Variants in TBC1D5 observed in about 807,000 individuals in gnomAD.
TBC1D5 encodes TBC1 domain family member 5, also known as TBC1 domain family, member 5.
A neutral mutation model predicts 100.3 loss-of-function variants in TBC1D5; 75 were observed. That is an observed-to-expected ratio of 0.75 (90% CI 0.62 to 0.91). The LOEUF (loss-of-function observed/expected upper bound fraction) is 0.91. Among genes scored for constraint, TBC1D5 ranks in the 40% least tolerant of loss-of-function variants. The pLI is 0.00. For missense variants in TBC1D5, 910 were observed against 942.4 expected (o/e 0.97, Z 0.45); for synonymous variants, 323 against 325.6 (o/e 0.99, Z 0.09).
At chr3:17,178,813 A>T (rs539276739) in intron 19 of TBC1D5, among the ~76,000 whole-genome samples, 3 of 146,502 alleles carry the variant, frequency 2.0e-5, no homozygotes, top group African/African-American at 7.5e-5. Context: ...CTAATTTTTA[A>T]TTTTTTTTTT....
At chr3:17,311,465 C>T (rs1366765263) in intron 13 of TBC1D5, among the ~76,000 whole-genome samples, 1 of 151,954 alleles carries the variant, frequency 6.6e-6, no homozygotes, top group African/African-American at 2.4e-5. Context: ...TACCACTATT[C>T]TCGATTTTAA....
intron 3 of TBC1D5, among the ~76,000 whole-genome samples, chr3:17,494,822 C>T (rs192058035): frequency 6.6e-6 from 1 of 152,324 alleles, no homozygotes; most frequent in Non-Finnish European, 1.5e-5. Flanking sequence ...AGTCTCCAGC[C>T]TGCTGCTAGC....
At chr3:17,172,738 T>A (rs934117632) in intron 19 of TBC1D5, among the ~76,000 whole-genome samples, 1 of 152,258 alleles carries the variant, frequency 6.6e-6, no homozygotes, top group Non-Finnish European at 1.5e-5. Context: ...CTCAGGGTAA[T>A]GAAAATGGTA....
At chr3:17,180,916 CAA>C (rs76797012) in intron 19 of TBC1D5, among the ~76,000 whole-genome samples, 71 of 96,102 alleles carry the variant, frequency 7.4e-4, no homozygotes, top group Middle Eastern at 6.0e-3. Context: ...ACATTTACAC[CAA>C]AAAAAAAAAA....
chr3:17,676,202 T>A (rs950598441), intron 1 of TBC1D5, among the ~76,000 whole-genome samples: 3 of 152,202 alleles, frequency 2.0e-5, no homozygotes, highest in African/African-American at 7.2e-5. Flanking sequence ...TAAGAAATAA[T>A]TTCAATCCTT....
chr3:17,545,965 C>G (rs1433342426), intron 2 of TBC1D5, among the ~76,000 whole-genome samples: 1 of 152,064 alleles, frequency 6.6e-6, no homozygotes, highest in African/African-American at 2.4e-5. Context: ...ATGTATATAA[C>G]CTCAAACAAA....
intron 4 of TBC1D5, among the ~76,000 whole-genome samples, chr3:17,414,862 T>C (rs1170297625): frequency 6.6e-6 from 1 of 152,148 alleles, no homozygotes; most frequent in Non-Finnish European, 1.5e-5. Context: ...ATATCTCTTA[T>C]ACATAAATAT....
At chr3:17,450,837 C>G (rs2094909235) in intron 3 of TBC1D5, among the ~76,000 whole-genome samples, 1 of 152,108 alleles carries the variant, frequency 6.6e-6, no homozygotes, top group South Asian at 2.1e-4. Context: ...AAGAACTTCC[C>G]CAACCTAGCA....
At chr3:17,521,979 T>C (rs898755782) in intron 2 of TBC1D5, among the ~76,000 whole-genome samples, 6 of 152,090 alleles carry the variant, frequency 3.9e-5, no homozygotes, top group African/African-American at 1.4e-4. Context: ...CTTGGATACA[T>C]GAGCCAAAAA....
At chr3:17,188,562 T>A (rs943799298) in intron 18 of TBC1D5, among the ~76,000 whole-genome samples, 2 of 152,196 alleles carry the variant, frequency 1.3e-5, no homozygotes, top group African/African-American at 4.8e-5. Context: ...CTTCTAGAGT[T>A]TGCTTAATCT....
intron 2 of TBC1D5, among the ~76,000 whole-genome samples, chr3:17,608,416 G>A (rs945824265): frequency 6.6e-6 from 1 of 152,132 alleles, no homozygotes; most frequent in East Asian, 1.9e-4. Context: ...TGACATGATC[G>A]TCACTTTAGG....
intron 3 of TBC1D5, among the ~76,000 whole-genome samples, chr3:17,469,208 A>C (rs1196700957): frequency 2.0e-5 from 3 of 152,246 alleles, no homozygotes; most frequent in Non-Finnish European, 4.4e-5. Context: ...CTATCAAATC[A>C]ATAGTAAGAA....
chr3:17,638,847 T>C (rs551777216), intron 1 of TBC1D5, among the ~76,000 whole-genome samples: 50 of 151,998 alleles, frequency 3.3e-4, no homozygotes, highest in African/African-American at 1.1e-3. Flanking sequence ...GAATATATAA[T>C]AAAAAATACA....
At chr3:17,515,911 G>A (rs1040265115) in intron 2 of TBC1D5, among the ~76,000 whole-genome samples, 8 of 152,048 alleles carry the variant, frequency 5.3e-5, no homozygotes, top group African/African-American at 1.4e-4. Flanking sequence ...CTTTGGAATC[G>A]TTATCAAATA....
chr3:17,635,830 C>G (rs892258029), intron 1 of TBC1D5, among the ~76,000 whole-genome samples: 1 of 152,062 alleles, frequency 6.6e-6, no homozygotes, highest in Admixed American at 6.5e-5. Flanking sequence ...TAAACAATTC[C>G]TCAGAAGTTT....
chr3:17,501,405 ATATAT>A (rs2095786894), intron 3 of TBC1D5, among the ~76,000 whole-genome samples: 1 of 149,572 alleles, frequency 6.7e-6, no homozygotes, highest in Non-Finnish European at 1.5e-5. Context: ...AATTTAGAAT[ATATAT>A]TAGATAGGTA....
chr3:17,591,256 A>AAAAAAAAAAAC (rs1474137404), intron 2 of TBC1D5, among the ~76,000 whole-genome samples: 1 of 121,110 alleles, frequency 8.3e-6, no homozygotes, highest in Admixed American at 8.8e-5. Flanking sequence ...AAAAAAAAAA[A>AAAAAAAAAAAC]AAAAAAAAAA....
intron 13 of TBC1D5, among the ~76,000 whole-genome samples, chr3:17,317,731 C>G (rs2084873692): frequency 1.3e-5 from 2 of 152,080 alleles, no homozygotes; most frequent in Non-Finnish European, 2.9e-5. Context: ...ATGGCAAATA[C>G]CATGCATTTA....
intron 1 of TBC1D5, among the ~76,000 whole-genome samples, chr3:17,668,939 C>G (rs2067599978): frequency 6.6e-6 from 1 of 152,136 alleles, no homozygotes. Flanking sequence ...GTTGCACAAC[C>G]CAGGGCAAGT....
Sources: allele counts gnomAD v4.1 joint callset (sites outside exome capture counted in the v4.1 genomes callset), GRCh38; gene constraint gnomAD v4.1.1; transcripts MANE v1.5; gene names NCBI Gene and HGNC (gene_info 2026-07-23, HGNC 2026-07-21).